The following TNRC6A variants were observed in gnomAD, a reference collection of about 807,000 sequenced individuals.
TNRC6A encodes trinucleotide repeat containing adaptor 6A, also known as trinucleotide repeat-containing gene 6A protein.
A neutral mutation model predicts 221.2 loss-of-function variants in TNRC6A; 44 were observed. That is an observed-to-expected ratio of 0.20 (90% CI 0.16 to 0.26). TNRC6A has a LOEUF of 0.26. Ranked by LOEUF, TNRC6A falls within the 10% of genes least tolerant of loss-of-function variation. The probability of loss-of-function intolerance (pLI) is 1.00; values close to 1 mark genes in which losing one functional copy is unlikely to be tolerated. For missense variants in TNRC6A, 2,199 were observed against 2,404.4 expected (o/e 0.91, Z 1.79); for synonymous variants, 847 against 838.5 (o/e 1.01, Z -0.18).
At chr16:24,715,704 G>A (rs73548919) in intron 2 of TNRC6A, among the ~76,000 whole-genome samples, 14,997 of 147,022 alleles carry the variant, frequency 0.1, 1,724 homozygotes, top group East Asian at 0.37. Flanking sequence ...TGCAACCTCC[G>A]CCTCCCAGAT....
At chr16:24,688,397 C>T (rs1003952830) in intron 2 of TNRC6A, among the ~76,000 whole-genome samples, 1 of 152,142 alleles carries the variant, frequency 6.6e-6, no homozygotes, top group African/African-American at 2.4e-5. Flanking sequence ...TCACCACGGC[C>T]CTTTCCACCT....
chr16:24,704,715 TTAAG>T (rs1203477830), intron 2 of TNRC6A, among the ~76,000 whole-genome samples: 3 of 148,284 alleles, frequency 2.0e-5, no homozygotes, highest in Non-Finnish European at 4.5e-5. Flanking sequence ...AATTATGACA[TTAAG>T]TGAGTATAAG....
intron 18 of TNRC6A, among the ~76,000 whole-genome samples, chr16:24,810,083 G>C (rs773597856): frequency 2.0e-5 from 3 of 152,148 alleles, no homozygotes; most frequent in Admixed American, 6.5e-5. Context: ...AAAGTGCTGC[G>C]ATTACAGGTG....
chr16:24,743,893 A>G (rs943798953), intron 2 of TNRC6A, among the ~76,000 whole-genome samples: 11 of 152,210 alleles, frequency 7.2e-5, no homozygotes, highest in African/African-American at 2.4e-4. Flanking sequence ...TAGCAGATCT[A>G]CAGATCTTAC....
At chr16:24,758,528 A>T (rs1164888874) in intron 4 of TNRC6A, among the ~76,000 whole-genome samples, 168 bp downstream of exon 4, 2 of 152,166 alleles carry the variant, frequency 1.3e-5, no homozygotes, top group Non-Finnish European at 2.9e-5. Flanking sequence ...TTTCATGGTT[A>T]TTGTGGTGTA....
intron 4 of TNRC6A, among the ~76,000 whole-genome samples, chr16:24,767,783 GTTTC>G (rs1452635602): frequency 6.6e-5 from 10 of 152,122 alleles, no homozygotes; most frequent in African/African-American, 2.2e-4. Context: ...TTTAATGACA[GTTTC>G]TTTATTATAT....
At chr16:24,746,981 G>C (rs549562457) in intron 2 of TNRC6A, among the ~76,000 whole-genome samples, 2 of 152,086 alleles carry the variant, frequency 1.3e-5, no homozygotes, top group African/African-American at 2.4e-5. Context: ...CACCATACCC[G>C]GCCAGAAACG....
chr16:24,637,809 G>A (rs1339604492), intron 1 of TNRC6A, among the ~76,000 whole-genome samples: 1 of 151,968 alleles, frequency 6.6e-6, no homozygotes, highest in Non-Finnish European at 1.5e-5. Context: ...TTTTTGAGAT[G>A]GAGTCTGGCT....
At chr16:24,727,359 G>A (rs2056509939), upstream of TNRC6A, among the ~76,000 whole-genome samples, 1 of 152,092 alleles carries the variant, frequency 6.6e-6, no homozygotes, top group Non-Finnish European at 1.5e-5. Flanking sequence ...CTTTGCTGGA[G>A]CTGGGAATTA....
chr16:24,662,688 A>T (rs2055061034), intron 2 of TNRC6A: 1 of 153,716 alleles, frequency 6.5e-6, no homozygotes, highest in Admixed American at 6.6e-5. Context: ...GCAGGTGGTG[A>T]AGGGACCTTC....
At chr16:24,755,515 T>G (rs1032855451) in intron 3 of TNRC6A, among the ~76,000 whole-genome samples, 2 of 152,362 alleles carry the variant, frequency 1.3e-5, no homozygotes, top group African/African-American at 2.4e-5. Context: ...CTTACAACTC[T>G]GAGGTGGGTG....
chr16:24,773,733 T>G (rs1018971685), intron 4 of TNRC6A, among the ~76,000 whole-genome samples: 1 of 151,724 alleles, frequency 6.6e-6, no homozygotes, highest in Admixed American at 6.5e-5. Flanking sequence ...TTTTTAGTTG[T>G]TTTTTTTATT....
intron 2 of TNRC6A, among the ~76,000 whole-genome samples, chr16:24,661,097 A>G (rs926948330): frequency 6.6e-6 from 1 of 151,984 alleles, no homozygotes; most frequent in African/African-American, 2.4e-5. Context: ...TTTTTTTTCA[A>G]TAGCTTTAGG....
rs548890361 is a variant in TNRC6A, at chr16:24,630,334, C to A, written n.277-10550C>A. On this transcript the variant is annotated intron_variant and non_coding_transcript_variant, in intron 1 of 2. Coordinates refer to the TNRC6A transcript ENST00000566108. The stretch of plus-strand genomic sequence containing the variant: ...TCATCAACATTTCCCTCTACTGGAT[C>A]ATTTCCATCAGCATCTGGAAGTGCT... Among the ~76,000 whole-genome samples the A allele has an allele frequency of 1.5e-3, 229 of 152,236 alleles. 2 individuals carry two copies. Among genetic ancestry groups the A allele is most frequent in the East Asian group, 1.4e-3 (7 of 5,170 alleles).
Position 24,790,236 on chromosome 16 carries a change from G to C in TNRC6A, c.1594G>C (p.Asp532His), listed in dbSNP as rs1277121077. Residue 532 changes from aspartate (D) to histidine (H), a missense_variant, in exon 6 of 25, where the codon GAC (aspartate) becomes CAC (histidine). Transcript: ENST00000395799. ...WGAYGSNYSGDKCSGPNGQAN... is the reference protein window; with the variant it reads ...WGAYGSNYSGHKCSGPNGQAN... ...TGCCTATGGTTCTAATTACTCTGGA[G>C]ACAAATGTTCAGGCCCTAATGGCCA... The C allele has an allele frequency of 6.2e-7, 1 of 1,614,204 alleles. No individual in the cohort carries two copies.
intron 11 of TNRC6A, among the ~76,000 whole-genome samples, chr16:24,802,352 C>G (rs970613624): frequency 6.6e-6 from 1 of 152,018 alleles, no homozygotes; most frequent in East Asian, 1.9e-4. Flanking sequence ...AGTTGGAGAC[C>G]GCTTGGGCAA....
chr16:24,748,777 T>A (rs1403937389), intron 2 of TNRC6A, among the ~76,000 whole-genome samples: 1 of 152,170 alleles, frequency 6.6e-6, no homozygotes, highest in Non-Finnish European at 1.5e-5. Flanking sequence ...CCTTTTATCT[T>A]CTTCAACATC....
In TNRC6A at chr16:24,804,390, T is replaced by C. The variant is rs569094479; in HGVS notation, c.3837+71T>C. On this transcript the variant is annotated intron_variant, in intron 12 of 24. Transcript: ENST00000395799. ...TCATAGCGTAATTTTCACACTAATATTTTAAAACCTTTTATATAATATAAA... is the reference window on the plus strand; with the variant it reads ...TCATAGCGTAATTTTCACACTAATACTTTAAAACCTTTTATATAATATAAA... 6.2e-5 allele frequency: 93 copies of C among 1,492,556 alleles called. No individual in the cohort carries two copies. The East Asian group carries it at 1.3e-3, about 21-fold the overall frequency. The allele number at this position is 1,492,556 out of a possible 1,614,324, so 92.5% of individuals were successfully genotyped here.
intron 2 of TNRC6A, among the ~76,000 whole-genome samples, chr16:24,650,712 T>C (rs1004923417): frequency 1.3e-5 from 2 of 151,322 alleles, no homozygotes; most frequent in Non-Finnish European, 1.5e-5. Context: ...ACCAAACGAA[T>C]TGACACCTGT....
Sources: gnomAD v4.1 joint callset for allele counts (sites outside exome capture counted in the v4.1 genomes callset) on GRCh38, gnomAD v4.1.1 for gene constraint, MANE v1.5 for transcripts, NCBI Gene and HGNC (gene_info 2026-07-23, HGNC 2026-07-21) for gene names.